Variants in EIF4A1 observed in about 807,000 individuals in gnomAD.
EIF4A1 encodes the protein eukaryotic initiation factor 4A-I.
Under a neutral mutation model 53.5 loss-of-function variants are expected in EIF4A1, and 11 were observed. The ratio of observed to expected loss-of-function variants is 0.21; its 90% CI spans 0.13 to 0.34. The LOEUF is 0.34. Ranked by LOEUF, EIF4A1 falls within the 10% of genes least tolerant of loss-of-function variation. The probability of loss-of-function intolerance (pLI) is 1.00; values close to 1 mark genes in which losing one functional copy is unlikely to be tolerated. For missense variants in EIF4A1, 213 were observed against 530.8 expected (o/e 0.40, Z 5.88); for synonymous variants, 237 against 186.7 (o/e 1.27, Z -2.20).
At chr17:7,572,940 G>A (rs776681444) in intron 1 of EIF4A1, 76 bp downstream of exon 1, 9 of 1,613,538 alleles carry the variant, frequency 5.6e-6, no homozygotes, top group South Asian at 1.1e-5. Flanking sequence ...GGGGGTAGCT[G>A]AGAGGCCCAC....
intron 3 of EIF4A1, 128 bp from the exon 4 acceptor site, chr17:7,574,991 T>A (rs2071381955): frequency 7.6e-7 from 1 of 1,318,198 alleles, no homozygotes; most frequent in South Asian, 1.3e-5. Flanking sequence ...CTGTGTTGAT[T>A]GGGAAGGTAG....
At position 7,574,929 on chromosome 17, in the gene EIF4A1, C is replaced by G. The variant is rs1040333358; in HGVS notation, c.206-190C>G. 23 of 1,011,372 alleles carry G rather than the reference C, an allele frequency of 2.3e-5. No individual in the cohort carries two copies. In the African/African-American group the frequency reaches 3.2e-4, roughly 14 times the overall value. 62.6% of individuals were successfully genotyped at this position (1,011,372 alleles called of 1,614,324 possible). On this transcript the variant is annotated intron_variant, in intron 3 of 10. Transcript: ENST00000293831. ...TTCTAGTCCAGCTTGGTGTGCAATA[C>G]TAGATGAGTTAATAACTGGTCCTTG... is the stretch of plus-strand genomic sequence containing the variant.
intron 2 of EIF4A1, 83 bp from the exon 3 acceptor site, chr17:7,574,463 G>T: frequency 6.2e-7 from 1 of 1,601,962 alleles, no homozygotes; most frequent in Non-Finnish European, 8.5e-7. Context: ...TTGTTAGTAG[G>T]CACCAGATTC....
Position 7,577,679 on chromosome 17 carries a change from T to A in EIF4A1, c.879T>A (p.His293Gln). 5.6e-6 allele frequency: 9 copies of A among 1,612,602 alleles called. No homozygotes were observed. The highest frequency in any genetic ancestry group is 7.6e-6 in the Non-Finnish European group (9 of 1,179,854). Residue 293 changes from histidine to glutamine, a missense_variant, in exon 8 of 11, where the codon CAT becomes CAA. Transcript: ENST00000293831. This position sits in a 1 kb window ranked among gnomAD's most constrained non-coding sequence, Gnocchi z 4.7. ...TGGACTGGCTCACCGAGAAGATGCA[T>A]GCTCGAGATTTCACTGTATCCGCCA... Reference protein sequence around the residue: ...RKVDWLTEKMHARDFTVSAMH... With the variant: ...RKVDWLTEKMQARDFTVSAMH...
At chr17:7,574,884 A>T (rs2071380229) in intron 3 of EIF4A1, 1 of 1,055,098 alleles carries the variant, frequency 9.5e-7, no homozygotes, top group Admixed American at 1.7e-5. Flanking sequence ...GCCAGCTTAT[A>T]TTTGCATCTA....
At chr17:7,574,329 TTC>T in intron 2 of EIF4A1, 21 bp downstream of exon 2, 1 of 1,614,120 alleles carries the variant, frequency 6.2e-7, no homozygotes, top group South Asian at 1.1e-5. Flanking sequence ...AGAAATGGAA[TTC>T]TGTCCTCCCC....
rs764640029 is a variant in EIF4A1 at position 7,575,104 on chromosome 17, A to T, written c.206-15A>T. The T allele has an allele frequency of 3.7e-6, 6 of 1,611,324 alleles. No homozygotes were observed. Among genetic ancestry groups the T allele is most frequent in the Middle Eastern group, 2.3e-4 (1 of 4,442 alleles). ...ATGCTCTTTACCACATTCAACTCCTAATTTATTTGTTTAGGTTATGATGTG... is the reference window on the plus strand; with the variant it reads ...ATGCTCTTTACCACATTCAACTCCTTATTTATTTGTTTAGGTTATGATGTG... On this transcript the variant is annotated splice_polypyrimidine_tract_variant and intron_variant, in intron 3 of 10. Transcript: ENST00000293831.
intron 3 of EIF4A1, 107 bp downstream of exon 3, chr17:7,574,785 C>T (rs755366475): frequency 2.6e-6 from 4 of 1,563,686 alleles, no homozygotes; most frequent in Non-Finnish European, 3.5e-6. Flanking sequence ...AAAGCAACTC[C>T]TTGTTCATCC....
At chr17:7,576,746 T>A in intron 5 of EIF4A1, 54 bp downstream of exon 5, 4 of 1,566,324 alleles carry the variant, frequency 2.6e-6, no homozygotes, top group Non-Finnish European at 3.5e-6. Flanking sequence ...GTGCACGCTT[T>A]CCAGTCTTTC....
intron 3 of EIF4A1, 178 bp downstream of exon 3, chr17:7,574,856 T>A: frequency 8.5e-7 from 1 of 1,179,194 alleles, no homozygotes; most frequent in Non-Finnish European, 1.3e-6. Context: ...AGGTTTCCTT[T>A]AAAGAGGTGG....
chr17:7,577,589 A>G lies in EIF4A1; in HGVS notation c.789A>G (p.Leu263=), dbSNP rs540578884. The change falls in exon 8 of 11, where the codon CTA becomes CTG. Residue 263 remains leucine, a synonymous_variant. Transcript: ENST00000293831. This position sits in a 1 kb window ranked among gnomAD's most constrained non-coding sequence, Gnocchi z 4.7. ...VEREEWKLDT[L]CDLYETLTIT... ...TCCAGGAGTGGAAGCTGGACACACT[A>G]TGTGACTTGTATGAAACCCTGACCA... The G allele has an allele frequency of 7.4e-6, 12 of 1,613,564 alleles. No homozygotes were observed. Among genetic ancestry groups the G allele is most frequent in the East Asian group, 4.5e-5 (2 of 44,880 alleles).
At chr17:7,576,470 T>C in intron 4 of EIF4A1, 54 bp from the exon 5 acceptor site, 3 of 1,485,786 alleles carry the variant, frequency 2.0e-6, no homozygotes, top group Non-Finnish European at 2.7e-6. Flanking sequence ...CATTTAAGAA[T>C]GGTGCCGGGC....
chr17:7,578,283 C>A (rs760259485), intron 10 of EIF4A1, 39 bp downstream of exon 10: 2 of 1,613,850 alleles, frequency 1.2e-6, no homozygotes, highest in South Asian at 1.1e-5. Flanking sequence ...CCCCTTCACA[C>A]CTGGCCCTCC....
At chr17:7,575,423 G>T in intron 4 of EIF4A1, 165 bp downstream of exon 4, 1 of 1,054,060 alleles carries the variant, frequency 9.5e-7, no homozygotes, top group Non-Finnish European at 1.4e-6. Flanking sequence ...TTACCCAAAC[G>T]TAACCATTGC....
chr17:7,576,844 C>T (rs757494225), intron 5 of EIF4A1, 152 bp downstream of exon 5: 65 of 1,438,880 alleles, frequency 4.5e-5, no homozygotes, highest in Non-Finnish European at 5.9e-5. Context: ...GTCATCTGAG[C>T]CTCTGGCTTC....
In EIF4A1 at chr17:7,577,483, G is replaced by A. The variant is rs777224973; in HGVS notation, c.764G>A (p.Arg255Gln). 6 of 1,614,130 alleles carry A rather than the reference G, an allele frequency of 3.7e-6. No homozygotes were observed. The highest frequency in any genetic ancestry group is 4.2e-6 in the Non-Finnish European group (5 of 1,180,020). Reference protein sequence around the residue: ...GIRQFYINVEREEWKLDTLCD... With the variant: ...GIRQFYINVEQEEWKLDTLCD... The stretch of plus-strand genomic sequence containing the variant: ...CGCCAGTTCTACATCAACGTGGAAC[G>A]AGAGGTGGGGCCCAGTGCAGGAGGC... Residue 255 changes from arginine (R) to glutamine (Q), a missense_variant, in exon 7 of 11, where the codon CGA becomes CAA. By Grantham distance (43) the Arg-to-Gln change is conservative. Coordinates refer to ENST00000293831, the MANE Select transcript of EIF4A1 (RefSeq NM_001416.4). This position sits in a 1 kb window ranked among gnomAD's most constrained non-coding sequence, Gnocchi z 4.7.
chr17:7,576,711 C>T lies in EIF4A1; in HGVS notation c.514+19C>T. ...TACCTGTGTGAGTAATTCGGTTCTCCAATCCCCTGGGTCACTTTGCTCTTG... is the reference window on the plus strand; with the variant it reads ...TACCTGTGTGAGTAATTCGGTTCTCTAATCCCCTGGGTCACTTTGCTCTTG... On this transcript the variant is annotated intron_variant, in intron 5 of 10. Coordinates refer to ENST00000293831, the MANE Select transcript of EIF4A1 (RefSeq NM_001416.4). 1.9e-6 allele frequency: 3 copies of T among 1,586,818 alleles called. No individual in the cohort carries two copies. The highest frequency in any genetic ancestry group is 1.1e-5 in the South Asian group (1 of 87,878).
At chr17:7,576,952 C>T in intron 5 of EIF4A1, 104 bp from the exon 6 acceptor site, 2 of 1,400,458 alleles carry the variant, frequency 1.4e-6, no homozygotes, top group Non-Finnish European at 2.0e-6. Context: ...ACTCTGAGAG[C>T]AGACTACTTG....
intron 3 of EIF4A1, 163 bp downstream of exon 3, chr17:7,574,841 C>A: frequency 8.0e-7 from 1 of 1,243,068 alleles, no homozygotes; most frequent in Non-Finnish European, 1.2e-6. Context: ...ATGCCTTGGA[C>A]ACATAGGTTT....
Sources: gnomAD v4.1 joint callset for allele counts on GRCh38, gnomAD v4.1.1 for gene constraint, Gnocchi (gnomAD v3.1) non-coding constraint, MANE v1.5 for transcripts, NCBI Gene and HGNC (gene_info 2026-07-23, HGNC 2026-07-21) for gene names.